Variants in EML6 observed in about 807,000 individuals in gnomAD.
EML6 encodes the protein EMAP like 6, also known as echinoderm microtubule-associated protein-like 6.
EML6 carries 154 observed loss-of-function variants against 240.1 expected under a neutral mutation model. The ratio of observed to expected loss-of-function variants is 0.64; its 90% CI spans 0.56 to 0.73. EML6 has a LOEUF of 0.73. EML6 is among the 30% of genes least tolerant of loss of function. EML6 has a pLI of 0.00. For synonymous variants in EML6, 1,148 were observed against 899.0 expected, an observed-to-expected ratio of 1.28 and a Z score of -4.95; for missense variants, 2,964 against 2,474.6, an observed-to-expected ratio of 1.20 and a Z score of -4.20.
At chr2:54,838,951 T>C (rs554069186) in intron 7 of EML6, among the ~76,000 whole-genome samples, 2 of 152,348 alleles carry the variant, frequency 1.3e-5, no homozygotes, top group African/African-American at 2.4e-5. Flanking sequence ...TTCTCTTAAC[T>C]ACTGATGGAT....
At chr2:54,926,845 T>G (rs189958740) in intron 26 of EML6, among the ~76,000 whole-genome samples, 309 of 152,338 alleles carry the variant, frequency 2.0e-3, no homozygotes, top group Non-Finnish European at 3.5e-3. Flanking sequence ...AGAGTCTGTT[T>G]CCTTGAACCT....
intron 26 of EML6, among the ~76,000 whole-genome samples, chr2:54,919,364 T>G (rs1160884734): frequency 6.6e-6 from 1 of 152,136 alleles, no homozygotes; most frequent in Non-Finnish European, 1.5e-5. Context: ...TCCTGTCATT[T>G]GTACATTTTA....
chr2:54,946,686 C>T (rs1675709515), intron 28 of EML6, among the ~76,000 whole-genome samples: 1 of 152,134 alleles, frequency 6.6e-6, no homozygotes, highest in African/African-American at 2.4e-5. Flanking sequence ...TAAGTATTCA[C>T]ACCGCTCTGG....
chr2:54,886,514 C>G (rs1352117483), intron 17 of EML6, among the ~76,000 whole-genome samples: 1 of 152,106 alleles, frequency 6.6e-6, no homozygotes, highest in African/African-American at 2.4e-5. Context: ...ACATTTAGAT[C>G]TGGTGAGAAT....
intron 2 of EML6, among the ~76,000 whole-genome samples, chr2:54,798,295 C>A (rs371107158): frequency 6.6e-6 from 1 of 152,054 alleles, no homozygotes; most frequent in Non-Finnish European, 1.5e-5. Context: ...GCCTCAGCCT[C>A]CTGAGTAGCT....
chr2:54,890,280 A>G (rs143757063), intron 17 of EML6, among the ~76,000 whole-genome samples: 2 of 152,054 alleles, frequency 1.3e-5, no homozygotes, highest in African/African-American at 2.4e-5. Flanking sequence ...AATATTTATG[A>G]TGTTTGTCTC....
Position 54,820,475 on chromosome 2 carries a change from G to C in EML6, c.525+13G>C. 6.6e-7 allele frequency: 1 copy of C among 1,517,650 alleles called. No homozygotes were observed. The highest frequency in any genetic ancestry group is 2.1e-5 in the Admixed American group (1 of 48,346). The allele number at this position is 1,517,650 out of a possible 1,614,324, so 94.0% of individuals were successfully genotyped here. ...AAAACACATAAAGGTAAAGCTTTTT[G>C]TTTTTTAATTTTGGTACCTTGAGTG... On this transcript the variant is annotated intron_variant, in intron 5 of 41. Coordinates refer to ENST00000356458, the MANE Select transcript of EML6 (RefSeq NM_001039753.4).
In EML6 at chr2:54,827,559, A is replaced by C. The variant is rs1013330137; in HGVS notation, c.526-7A>C. On this transcript the variant is annotated splice_region_variant and splice_polypyrimidine_tract_variant and intron_variant, in intron 5 of 41. Coordinates refer to ENST00000356458, the MANE Select transcript of EML6 (RefSeq NM_001039753.4). ...CTTGGAGATCTATTTTATCACTTAC[A>C]TTGTAGTTTTGGACACTGTGTGGAA... 8 of 1,549,976 alleles carry C rather than the reference A, an allele frequency of 5.2e-6. No individual in the cohort carries two copies. The highest frequency in any genetic ancestry group is 1.4e-5 in the African/African-American group (1 of 72,984).
chr2:54,831,874 G>A (rs1668886069), intron 7 of EML6, among the ~76,000 whole-genome samples: 1 of 152,184 alleles, frequency 6.6e-6, no homozygotes, highest in Admixed American at 6.5e-5. Context: ...TGCTGTGGAT[G>A]ATGTTAATTT....
intron 2 of EML6, among the ~76,000 whole-genome samples, chr2:54,811,666 T>C (rs553644948): frequency 6.6e-6 from 1 of 152,332 alleles, no homozygotes; most frequent in South Asian, 2.1e-4. Context: ...TGAGCTAAAA[T>C]ATACTGGTTT....
chr2:54,926,243 A>C (rs994954841), intron 26 of EML6, among the ~76,000 whole-genome samples: 1 of 152,192 alleles, frequency 6.6e-6, no homozygotes. Context: ...CTTGGATTAC[A>C]GGCATCCACC....
chr2:54,936,285 G>A (rs1288880574), intron 28 of EML6, among the ~76,000 whole-genome samples: 1 of 152,186 alleles, frequency 6.6e-6, no homozygotes, highest in Non-Finnish European at 1.5e-5. Flanking sequence ...TGTGGGTTAT[G>A]ATCTTTTACT....
intron 31 of EML6, among the ~76,000 whole-genome samples, 179 bp downstream of exon 31, chr2:54,952,871 T>A (rs922208801): frequency 6.6e-6 from 1 of 152,194 alleles, no homozygotes; most frequent in African/African-American, 2.4e-5. Flanking sequence ...CCAGTGACTG[T>A]GATTCTGAGG....
At chr2:54,965,976 C>T (rs955760061) in intron 38 of EML6, among the ~76,000 whole-genome samples, 2 of 152,240 alleles carry the variant, frequency 1.3e-5, no homozygotes, top group Non-Finnish European at 2.9e-5. Context: ...GTTCAGCCTA[C>T]ATCCAGGAAT....
intron 17 of EML6, among the ~76,000 whole-genome samples, chr2:54,886,042 A>C (rs768882595): frequency 6.6e-6 from 1 of 151,812 alleles, no homozygotes; most frequent in Non-Finnish European, 1.5e-5. Context: ...AAAATTTCAA[A>C]GTTATGCCAA....
intron 2 of EML6, among the ~76,000 whole-genome samples, chr2:54,805,202 A>G (rs930058813): frequency 6.6e-6 from 1 of 152,200 alleles, no homozygotes; most frequent in Non-Finnish European, 1.5e-5. Context: ...ATGATAATCT[A>G]TCCATTCACT....
rs1031990775 is a variant in EML6, at chr2:54,958,056, G to A, written c.4695+58G>A. The A allele has an allele frequency of 7.6e-6, 11 of 1,444,296 alleles. No homozygotes were observed. The African/African-American group carries it at 1.4e-4, about 19-fold the overall frequency. 89.5% of individuals were successfully genotyped at this position (1,444,296 alleles called of 1,614,324 possible). ...ACCCAGACCCCCTGGGCATGGGCATGGGCATGGGCAGGAGGGGAGTTTGGC... is the reference window on the plus strand; with the variant it reads ...ACCCAGACCCCCTGGGCATGGGCATAGGCATGGGCAGGAGGGGAGTTTGGC... On this transcript the variant is annotated intron_variant, in intron 33 of 41. Coordinates refer to ENST00000356458, the MANE Select transcript of EML6 (RefSeq NM_001039753.4).
Position 54,763,716 on chromosome 2 carries a change from T to C in EML6, c.197+38458T>C, listed in dbSNP as rs1337019470. On this transcript the variant is annotated intron_variant, in intron 2 of 41. Transcript: ENST00000356458. ...CCTAAAAGGGTGAATGTATTCAAAGTGGTTAAGGTAAAAATTGGGTATGAC... is the reference window on the plus strand; with the variant it reads ...CCTAAAAGGGTGAATGTATTCAAAGCGGTTAAGGTAAAAATTGGGTATGAC... Among the ~76,000 whole-genome samples, 3 of 152,052 alleles carry C rather than the reference T, an allele frequency of 2.0e-5. No homozygotes were observed. The South Asian group carries it at 6.2e-4, about 31-fold the overall frequency.
chr2:54,750,091 AG>A (rs1255044920), intron 2 of EML6, among the ~76,000 whole-genome samples: 1 of 152,220 alleles, frequency 6.6e-6, no homozygotes, highest in Non-Finnish European at 1.5e-5. Flanking sequence ...GGCACAGAGC[AG>A]GGCCCTGCCA....
Sources: gnomAD v4.1 joint callset for allele counts (sites outside exome capture counted in the v4.1 genomes callset) on GRCh38, gnomAD v4.1.1 for gene constraint, MANE v1.5 for transcripts, NCBI Gene and HGNC (gene_info 2026-07-23, HGNC 2026-07-21) for gene names.